SLC12A8: variants seen among roughly 807,000 people sequenced by gnomAD.
SLC12A8 encodes the protein solute carrier family 12 member 8.
A neutral mutation model predicts 75.6 loss-of-function variants in SLC12A8; 69 were observed. The ratio of observed to expected loss-of-function variants is 0.91; its 90% confidence interval spans 0.75 to 1.11. The LOEUF is 1.11. SLC12A8 is among the 50% of genes most tolerant of loss of function. The pLI is 0.00. For missense variants in SLC12A8, 877 were observed against 896.7 expected (o/e 0.98, Z 0.28); for synonymous variants, 365 against 372.8 (o/e 0.98, Z 0.24).
At chr3:125,095,985 C>T (rs1351628967) in intron 10 of SLC12A8, among the ~76,000 whole-genome samples, 1 of 152,190 alleles carries the variant, frequency 6.6e-6, no homozygotes, top group African/African-American at 2.4e-5. Flanking sequence ...CAGCGCCTTC[C>T]ATCACACTCA....
intron 6 of SLC12A8, among the ~76,000 whole-genome samples, chr3:125,124,928 G>T (rs1220293304): frequency 6.6e-6 from 1 of 152,146 alleles, no homozygotes; most frequent in African/African-American, 2.4e-5. Context: ...CAGAGCATTA[G>T]TGCCCAGGTG....
chr3:125,117,482 G>C (rs1223316557), intron 8 of SLC12A8, among the ~76,000 whole-genome samples: 1 of 151,742 alleles, frequency 6.6e-6, no homozygotes, highest in Non-Finnish European at 1.5e-5. Flanking sequence ...TGTAGTCCTG[G>C]CTACTTGGGA....
intron 6 of SLC12A8, among the ~76,000 whole-genome samples, chr3:125,130,980 C>A (rs1483147942): frequency 6.6e-6 from 1 of 152,212 alleles, no homozygotes; most frequent in Non-Finnish European, 1.5e-5. Context: ...GGTATCTTGG[C>A]CCAGGGGTCT....
intron 12 of SLC12A8, 130 bp from the exon 13 acceptor site, chr3:125,088,500 T>C (rs1247852264): frequency 2.8e-6 from 2 of 724,728 alleles, no homozygotes; most frequent in East Asian, 5.6e-5. Flanking sequence ...TGTTTTCCTT[T>C]TTCAGTCTAA....
chr3:125,140,324 G>C (rs578179905), intron 5 of SLC12A8, among the ~76,000 whole-genome samples: 31 of 152,276 alleles, frequency 2.0e-4, no homozygotes, highest in African/African-American at 6.7e-4. Flanking sequence ...ACGTGAAAAA[G>C]CTTGTCCGAG....
intron 8 of SLC12A8, among the ~76,000 whole-genome samples, chr3:125,115,240 C>T (rs1446797775): frequency 2.0e-5 from 3 of 152,168 alleles, no homozygotes; most frequent in Middle Eastern, 3.4e-3. Flanking sequence ...AAAAAGACGT[C>T]GCCGGGCGCA....
chr3:125,166,949 C>T (rs376632178), intron 5 of SLC12A8, among the ~76,000 whole-genome samples: 17 of 152,270 alleles, frequency 1.1e-4, no homozygotes, highest in African/African-American at 4.1e-4. Context: ...AGCCTCCGGA[C>T]AGTGGTCCCT....
chr3:125,190,558 A>G (rs1013992524), intron 2 of SLC12A8, 37 bp from the exon 3 acceptor site: 1 of 1,609,076 alleles, frequency 6.2e-7, no homozygotes, highest in African/African-American at 1.3e-5. Flanking sequence ...CTGAGGGGCC[A>G]TTGGGAGGGC....
At chr3:125,185,358 T>C (rs78272518) in intron 4 of SLC12A8, among the ~76,000 whole-genome samples, 2 of 134,604 alleles carry the variant, frequency 1.5e-5, no homozygotes, top group Non-Finnish European at 3.2e-5. Context: ...AATTCCCAGA[T>C]TAAAAAAAAA....
At chr3:125,182,736 G>A in intron 4 of SLC12A8, among the ~76,000 whole-genome samples, 1 of 152,138 alleles carries the variant, frequency 6.6e-6, no homozygotes. Context: ...TCGAACTCCT[G>A]ACCTCATGAT....
chr3:125,179,635 G>A (rs1277791259), intron 4 of SLC12A8, among the ~76,000 whole-genome samples: 2 of 152,024 alleles, frequency 1.3e-5, no homozygotes, highest in African/African-American at 4.8e-5. Context: ...TCCCATAGTG[G>A]TAAACATTTC....
Position 125,199,680 on chromosome 3 carries a change from A to C in SLC12A8, c.52-9159T>G, listed in dbSNP as rs563483100. Among the ~76,000 whole-genome samples, 163 of 152,166 alleles carry C rather than the reference A, an allele frequency of 1.1e-3. 1 individual carries two copies. The highest frequency in any genetic ancestry group is 3.2e-3 in the African/African-American group (134 of 41,504). ...AGGATCGCTTGAGCCCAGGAGTTCGAGGCTACAATGAACTATGCTCACGCC... is the reference window on the plus strand; with the variant it reads ...AGGATCGCTTGAGCCCAGGAGTTCGCGGCTACAATGAACTATGCTCACGCC... On this transcript the variant is annotated intron_variant, in intron 2 of 13. Transcript: ENST00000469902.
chr3:125,110,321 G>A lies in SLC12A8; in HGVS notation c.927C>T (p.Gly309=). Residue 309 remains glycine (G), a synonymous_variant, in exon 9 of 14, where the codon GGC becomes GGT. Coordinates refer to ENST00000469902, the MANE Select transcript of SLC12A8 (RefSeq NM_024628.6). ...TGTATAAGCCCAAAAGGAACAGGAA[G>A]CCCATGAGGGATACCTGTGTGAGAA... The part of the protein sequence containing the change: ...FLIAEKVSLM[G]FLFLLGLYIS... The A allele has an allele frequency of 1.9e-6, 3 of 1,613,502 alleles. No individual in the cohort carries two copies. The highest frequency in any genetic ancestry group is 1.7e-6 in the Non-Finnish European group (2 of 1,179,670).
At chr3:125,089,034 T>C (rs1938527020) in intron 12 of SLC12A8, among the ~76,000 whole-genome samples, 1 of 152,232 alleles carries the variant, frequency 6.6e-6, no homozygotes, top group African/African-American at 2.4e-5. Flanking sequence ...TATATAACTT[T>C]AGAGAAACAA....
rs550478403 is a variant in SLC12A8 at position 125,182,595 on chromosome 3, C to A, written c.391-4621G>T. Among the ~76,000 whole-genome samples the A allele has an allele frequency of 5.9e-5, 9 of 151,938 alleles. No individual in the cohort carries two copies. The South Asian group carries it at 1.7e-3, about 28-fold the overall frequency. On this transcript the variant is annotated intron_variant, in intron 4 of 13. Transcript: ENST00000469902. The stretch of plus-strand genomic sequence containing the variant: ...GATCTCAGTTCACTGCAACCTCTGC[C>A]TCCTGGGTTCAAGTGATTCTCCTGC...
At chr3:125,109,627 T>C (rs556948920) in intron 9 of SLC12A8, among the ~76,000 whole-genome samples, 1 of 152,344 alleles carries the variant, frequency 6.6e-6, no homozygotes, top group Admixed American at 6.5e-5. Flanking sequence ...CCCTGGACTT[T>C]AGGAATGTCT....
chr3:125,168,875 G>A (rs942230298), intron 5 of SLC12A8, among the ~76,000 whole-genome samples: 6 of 152,238 alleles, frequency 3.9e-5, no homozygotes, highest in African/African-American at 1.4e-4. Context: ...AGCAGCTCCC[G>A]TCTGCTACAT....
chr3:125,120,904 C>T (rs1933041129), intron 6 of SLC12A8: 2 of 695,004 alleles, frequency 2.9e-6, no homozygotes, highest in Non-Finnish European at 5.2e-6. Context: ...TTGGAGGAGG[C>T]TCAGGAGGAA....
chr3:125,184,634 G>A (rs1404379579), intron 4 of SLC12A8, among the ~76,000 whole-genome samples: 1 of 151,796 alleles, frequency 6.6e-6, no homozygotes, highest in Admixed American at 6.6e-5. Flanking sequence ...GAGGGCTGAG[G>A]GAGTTAATAA....
Sources: allele counts gnomAD v4.1 joint callset (sites outside exome capture counted in the v4.1 genomes callset), GRCh38; gene constraint gnomAD v4.1.1; transcripts MANE v1.5; gene names NCBI Gene and HGNC (gene_info 2026-07-23, HGNC 2026-07-21).